The following C8orf34 variants were observed in gnomAD, a reference collection of about 807,000 sequenced individuals.
The protein encoded by C8orf34 is uncharacterized protein C8orf34.
Under a neutral mutation model 68.3 loss-of-function variants are expected in C8orf34, and 65 were observed. That is an observed-to-expected ratio of 0.95 (90% CI 0.78 to 1.17). The LOEUF (loss-of-function observed/expected upper bound fraction) is 1.17, where lower values mean the gene tolerates loss of function less well. Ranked by LOEUF, C8orf34 falls within the 50% of genes most tolerant of loss-of-function variation. The probability of loss-of-function intolerance (pLI) is 0.00; values close to 1 mark genes in which losing one functional copy is unlikely to be tolerated. For synonymous variants in C8orf34, 244 were observed against 241.2 expected, an observed-to-expected ratio of 1.01 and a Z score of -0.11; for missense variants, 664 against 655.4, an observed-to-expected ratio of 1.01 and a Z score of -0.14.
At chr8:68,390,441 T>C (rs1808434111) in intron 1 of C8orf34, among the ~76,000 whole-genome samples, 2 of 152,192 alleles carry the variant, frequency 1.3e-5, no homozygotes, top group Non-Finnish European at 2.9e-5. Flanking sequence ...AATAAGATAA[T>C]GTATGTAATG....
At chr8:68,715,936 GTAGA>G (rs1280127210) in intron 9 of C8orf34, among the ~76,000 whole-genome samples, 1 of 152,100 alleles carries the variant, frequency 6.6e-6, no homozygotes, top group Non-Finnish European at 1.5e-5. Context: ...CAATCCATGA[GTAGA>G]TAAAGAAAAT....
At chr8:68,761,591 T>C (rs1477230652) in intron 10 of C8orf34, among the ~76,000 whole-genome samples, 1 of 152,204 alleles carries the variant, frequency 6.6e-6, no homozygotes, top group Non-Finnish European at 1.5e-5. Flanking sequence ...AATAAATAAC[T>C]TCTTCAACGA....
intron 1 of C8orf34, among the ~76,000 whole-genome samples, chr8:68,333,435 A>G (rs1805717767): frequency 6.6e-6 from 1 of 152,246 alleles, no homozygotes; most frequent in Non-Finnish European, 1.5e-5. Context: ...AGGGAGAAAA[A>G]TGGATAATAA....
At chr8:68,737,402 ATCAT>A (rs1318629503) in intron 10 of C8orf34, among the ~76,000 whole-genome samples, 1 of 152,048 alleles carries the variant, frequency 6.6e-6, no homozygotes, top group Non-Finnish European at 1.5e-5. Context: ...CAACTTCCTG[ATCAT>A]TCATTTTCAT....
chr8:68,698,191 C>T lies in C8orf34; in HGVS notation c.1242-10803C>T, dbSNP rs145254493. Among the ~76,000 whole-genome samples the T allele has an allele frequency of 2.3e-3, 357 of 152,102 alleles. 1 individual carries two copies. Among genetic ancestry groups the T allele is most frequent in the African/African-American group, 8.1e-3 (338 of 41,520 alleles). On this transcript the variant is annotated intron_variant, in intron 8 of 13. Coordinates refer to ENST00000518698, the MANE Select transcript of C8orf34 (RefSeq NM_052958.4). ...CTGGTGACATCCCAATTGCCATTTG[C>T]GGACAGATAGAACCCTACTAAAATA...
chr8:68,623,612 G>A (rs1378143229), intron 7 of C8orf34, among the ~76,000 whole-genome samples: 1 of 152,142 alleles, frequency 6.6e-6, no homozygotes, highest in Non-Finnish European at 1.5e-5. Context: ...TTATCAACAG[G>A]AGAAATTTAT....
intron 3 of C8orf34, among the ~76,000 whole-genome samples, chr8:68,451,435 C>G (rs1811340658): frequency 1.3e-5 from 2 of 152,152 alleles, no homozygotes; most frequent in Non-Finnish European, 2.9e-5. Flanking sequence ...TTTCAACATG[C>G]TTTCCTCACT....
chr8:68,332,381 T>TGCCCCCGCCCC (rs1805660365), intron 1 of C8orf34, among the ~76,000 whole-genome samples: 1 of 133,400 alleles, frequency 7.5e-6, no homozygotes, highest in East Asian at 2.5e-4. Flanking sequence ...GCCCCCGCCT[T>TGCCCCCGCCCC]GCCCCCGCCC....
rs370357862 is a variant in C8orf34 at position 68,526,686 on chromosome 8, CA to C, written c.938+4729del. Among the ~76,000 whole-genome samples the C allele has an allele frequency of 3.2e-3, 427 of 133,140 alleles. 4 individuals are homozygous for C. The highest frequency in any genetic ancestry group is 0.012 in the South Asian group (49 of 4,036). 87.3% of individuals were successfully genotyped at this position (133,140 alleles called of 152,430 possible). A position where few individuals can be genotyped will look rare whatever the true frequency, so the allele number is the denominator to read the frequency against. On this transcript the variant is annotated intron_variant, in intron 6 of 13. Transcript: ENST00000518698. ...GCACCCTTTAATTAATGACTGGAGT[CA>C]AAAAAAAAAAAAAGGACACAGGTTC... is the stretch of plus-strand genomic sequence containing the variant.
At chr8:68,465,997 G>T (rs1812112754) in intron 3 of C8orf34, among the ~76,000 whole-genome samples, 1 of 148,294 alleles carries the variant, frequency 6.7e-6, no homozygotes, top group South Asian at 2.1e-4. Flanking sequence ...AATAAAAAAA[G>T]AAAATTTGGT....
intron 10 of C8orf34, among the ~76,000 whole-genome samples, chr8:68,763,545 TTCTC>T (rs571701887): frequency 1.7e-3 from 263 of 152,268 alleles, no homozygotes; most frequent in Non-Finnish European, 3.2e-3. Context: ...GAAAATGTCT[TTCTC>T]TACTTCATAT....
intron 1 of C8orf34, among the ~76,000 whole-genome samples, chr8:68,391,520 CT>C (rs770077299): frequency 1.3e-5 from 2 of 152,134 alleles, no homozygotes; most frequent in Non-Finnish European, 2.9e-5. Flanking sequence ...TCCAAGATAT[CT>C]TTCCTCTTCT....
chr8:68,773,548 A>G (rs975253161), intron 10 of C8orf34, among the ~76,000 whole-genome samples: 1 of 151,972 alleles, frequency 6.6e-6, no homozygotes, highest in Non-Finnish European at 1.5e-5. Context: ...TTACAGGTAC[A>G]CCACCAAGCC....
At chr8:68,645,751 C>T (rs894706099) in intron 8 of C8orf34, among the ~76,000 whole-genome samples, 5 of 152,112 alleles carry the variant, frequency 3.3e-5, no homozygotes, top group Admixed American at 2.6e-4. Context: ...CCAAAGAGCC[C>T]ATCAACGACC....
At chr8:68,602,466 G>C (rs1817727234) in intron 7 of C8orf34, among the ~76,000 whole-genome samples, 1 of 152,080 alleles carries the variant, frequency 6.6e-6, no homozygotes, top group Admixed American at 6.5e-5. Flanking sequence ...GCTGAGTGAA[G>C]GGGGAAGCCC....
intron 9 of C8orf34, among the ~76,000 whole-genome samples, chr8:68,716,894 G>T (rs1405985554): frequency 6.6e-6 from 1 of 151,694 alleles, no homozygotes; most frequent in East Asian, 2.0e-4. Context: ...AAACCTGAAT[G>T]CCTTTCAACT....
chr8:68,348,061 C>G (rs1344144994), intron 1 of C8orf34, among the ~76,000 whole-genome samples: 1 of 151,868 alleles, frequency 6.6e-6, no homozygotes, highest in Non-Finnish European at 1.5e-5. Flanking sequence ...GGTGGTATTA[C>G]CTATGTTGTC....
At chr8:68,749,131 G>C (rs1048291205) in intron 10 of C8orf34, among the ~76,000 whole-genome samples, 1 of 151,434 alleles carries the variant, frequency 6.6e-6, no homozygotes, top group African/African-American at 2.4e-5. Context: ...GTAAACTATC[G>C]CAAGAACAAA....
At chr8:68,641,163 A>C (rs2130737700) in intron 8 of C8orf34, among the ~76,000 whole-genome samples, 1 of 152,320 alleles carries the variant, frequency 6.6e-6, no homozygotes, top group Non-Finnish European at 1.5e-5. Context: ...TCTAACCCTT[A>C]TGTAAATGGT....
Sources: allele counts gnomAD v4.1 joint callset (sites outside exome capture counted in the v4.1 genomes callset), GRCh38; gene constraint gnomAD v4.1.1; transcripts MANE v1.5; gene names NCBI Gene and HGNC (gene_info 2026-07-23, HGNC 2026-07-21).